SGSM2: variants seen among roughly 807,000 people sequenced by gnomAD.
SGSM2 encodes the protein small G protein signaling modulator 2.
In SGSM2, 89 loss-of-function variants were observed where a neutral mutation model predicts 126.6. The observed-to-expected ratio is 0.70, with a 90% confidence interval of 0.59 to 0.84. SGSM2 has a LOEUF of 0.84. Ranked by LOEUF, SGSM2 falls within the 40% of genes least tolerant of loss-of-function variation. The pLI is 0.00. For synonymous variants in SGSM2, 614 were observed against 574.3 expected (o/e 1.07, Z -0.99); for missense variants, 1,404 against 1,416.6 (o/e 0.99, Z 0.14).
In SGSM2 at chr17:2,372,009, AC is replaced by A. The variant is rs2065894320; in HGVS notation, c.1578-180del. On this transcript the variant is annotated intron_variant, in intron 13 of 23. Coordinates refer to ENST00000268989, the MANE Select transcript of SGSM2 (RefSeq NM_014853.3). The surrounding 1 kb of genome is among the most constrained non-coding windows in gnomAD (Gnocchi z 6.0). The stretch of plus-strand genomic sequence containing the variant: ...GGGGGCCAGGCGGGGGCCCCACAGC[AC>A]TCTGTCCAGGTGGCAGGCAGGGACA... The A allele has an allele frequency of 1.5e-6, 1 of 684,612 alleles. No homozygotes were observed. The highest frequency in any genetic ancestry group is 1.8e-5 in the African/African-American group (1 of 54,844). 42.4% of individuals were successfully genotyped at this position (684,612 alleles called of 1,614,324 possible).
intron 2 of SGSM2, among the ~76,000 whole-genome samples, chr17:2,360,097 C>G (rs566473321): frequency 6.6e-6 from 1 of 152,214 alleles, no homozygotes; most frequent in Non-Finnish European, 1.5e-5. Flanking sequence ...AATCCCAGCA[C>G]TTTGAGAGGC....
intron 1 of SGSM2, among the ~76,000 whole-genome samples, chr17:2,342,846 A>G (rs955991121): frequency 1.3e-5 from 2 of 151,796 alleles, no homozygotes; most frequent in South Asian, 4.2e-4. Flanking sequence ...GCGTGGTGGC[A>G]TGCACCTGTT....
rs767795826 is a variant in SGSM2 at position 2,371,405 on chromosome 17, A to T, written c.1567A>T (p.Ile523Phe). The T allele has an allele frequency of 6.2e-7, 1 of 1,600,670 alleles. No individual in the cohort carries two copies. The highest frequency in any genetic ancestry group is 2.3e-5 in the East Asian group (1 of 44,420). ...TGCAACCCCCAGCCACTGTAGCTGCATCCCCGACCGGTGAGTGGGCAGCGC... is the reference window on the plus strand; with the variant it reads ...TGCAACCCCCAGCCACTGTAGCTGCTTCCCCGACCGGTGAGTGGGCAGCGC... Reference protein sequence around the residue: ...PHATPSHCSCIPDRLPLRLLC... With the variant: ...PHATPSHCSCFPDRLPLRLLC... The change falls in exon 13 of 24, where the codon ATC becomes TTC. Residue 523 changes from isoleucine to phenylalanine, a missense_variant. Ile to Phe is a conservative substitution (Grantham distance 21). Coordinates refer to ENST00000268989, the MANE Select transcript of SGSM2 (RefSeq NM_014853.3).
chr17:2,340,847 G>A (rs2064336651), intron 1 of SGSM2, among the ~76,000 whole-genome samples: 1 of 152,176 alleles, frequency 6.6e-6, no homozygotes, highest in African/African-American at 2.4e-5. Flanking sequence ...GCCTCCCAAA[G>A]TGCTGGGATT....
chr17:2,364,731 C>T (rs1260737263), intron 9 of SGSM2, 68 bp downstream of exon 9: 4 of 1,581,270 alleles, frequency 2.5e-6, no homozygotes, highest in East Asian at 4.5e-5. Flanking sequence ...GTGCACTGTG[C>T]GTGGGGCCTG....
intron 2 of SGSM2, among the ~76,000 whole-genome samples, chr17:2,350,943 A>G (rs1323433205): frequency 1.3e-5 from 2 of 152,226 alleles, no homozygotes; most frequent in Non-Finnish European, 2.9e-5. Context: ...GACCAAAGTC[A>G]AACAGCCAGT....
chr17:2,374,789 T>C (rs1316736320), intron 17 of SGSM2, among the ~76,000 whole-genome samples: 1 of 152,234 alleles, frequency 6.6e-6, no homozygotes, highest in Non-Finnish European at 1.5e-5. Flanking sequence ...ACCGTGGCCT[T>C]ACCCAGCACT....
At chr17:2,354,443 G>T (rs909403320) in intron 2 of SGSM2, among the ~76,000 whole-genome samples, 1 of 152,174 alleles carries the variant, frequency 6.6e-6, no homozygotes. Context: ...TCTGCATCTT[G>T]CTGTTGGCGA....
intron 2 of SGSM2, among the ~76,000 whole-genome samples, chr17:2,354,571 C>T (rs1238359654): frequency 2.6e-5 from 4 of 152,190 alleles, no homozygotes; most frequent in Non-Finnish European, 5.9e-5. Context: ...ATGTGGATGA[C>T]TTCCAGTCTT....
chr17:2,380,500 C>T lies in SGSM2; in HGVS notation c.*980C>T, dbSNP rs1316117172. ...GGATGCATGGGTGTCCCCATCTGTCCCTGGTGAGAAGCAAGGCTAGCTCTG... is the reference window on the plus strand; with the variant it reads ...GGATGCATGGGTGTCCCCATCTGTCTCTGGTGAGAAGCAAGGCTAGCTCTG... On this transcript the variant is annotated 3_prime_UTR_variant, in exon 24 of 24. Coordinates refer to ENST00000268989, the MANE Select transcript of SGSM2 (RefSeq NM_014853.3). 3 of 622,824 alleles carry T rather than the reference C, an allele frequency of 4.8e-6. No homozygotes were observed. Among genetic ancestry groups the T allele is most frequent in the Admixed American group, 2.6e-5 (1 of 39,100 alleles). The allele number at this position is 622,824 out of a possible 1,614,324, so 38.6% of individuals were successfully genotyped here. A position where few individuals can be genotyped will look rare whatever the true frequency, so the allele number is the denominator to read the frequency against.
rs992977308 is a variant in SGSM2, at chr17:2,364,132, C to T, written c.881C>T (p.Thr294Ile). The part of the protein sequence containing the change: ...QSAESLTLKW[T>I]PNQLMNGTLG... The stretch of plus-strand genomic sequence containing the variant: ...GCAGAGAGCCTGACTCTGAAGTGGA[C>T]CCCCAACCAGCTCATGAATGGGACT... Residue 294 changes from threonine (T) to isoleucine (I), a missense_variant, in exon 8 of 24, where the codon ACC becomes ATC. By Grantham distance (89) the Thr-to-Ile change is moderately conservative. Coordinates refer to ENST00000268989, the MANE Select transcript of SGSM2 (RefSeq NM_014853.3). 4 of 1,613,988 alleles carry T rather than the reference C, an allele frequency of 2.5e-6. No homozygotes were observed. The Admixed American group carries it at 5.0e-5, about 20-fold the overall frequency.
At chr17:2,344,369 A>G (rs1477667718) in intron 2 of SGSM2, among the ~76,000 whole-genome samples, 6 of 152,356 alleles carry the variant, frequency 3.9e-5, no homozygotes, top group African/African-American at 1.4e-4. Context: ...CTGAAGGGAC[A>G]GGGAACCATT....
At chr17:2,346,226 A>C (rs1314903083) in intron 2 of SGSM2, among the ~76,000 whole-genome samples, 2 of 152,122 alleles carry the variant, frequency 1.3e-5, no homozygotes, top group Admixed American at 6.5e-5. Flanking sequence ...AAGTCTGTGG[A>C]GACTGGATTA....
chr17:2,362,115 C>G lies in SGSM2; in HGVS notation c.303C>G (p.Pro101=), dbSNP rs1356609500. ...GCCCTCCCCGCCTTTGCAGGAAACC[C>G]TCAGGGGTCAGCCAGGAGGCCCTGC... ...ELQQQAEGRK[P]SGVSQEALRR... The change falls in exon 4 of 24, where the codon CCC becomes CCG. Residue 101 remains proline (P), a synonymous_variant. Transcript: ENST00000268989. This position sits in a 1 kb window ranked among gnomAD's most constrained non-coding sequence, Gnocchi z 4.9. 5 of 1,612,056 alleles carry G rather than the reference C, an allele frequency of 3.1e-6. No individual in the cohort carries two copies. The highest frequency in any genetic ancestry group is 1.1e-5 in the South Asian group (1 of 91,056).
At chr17:2,348,431 T>A (rs1597319302) in intron 2 of SGSM2, among the ~76,000 whole-genome samples, 1 of 152,186 alleles carries the variant, frequency 6.6e-6, no homozygotes. Flanking sequence ...CCACAGGGAA[T>A]GAATAGCTCA....
chr17:2,374,046 G>A (rs2066010057), intron 17 of SGSM2: 1 of 154,640 alleles, frequency 6.5e-6, no homozygotes, highest in African/African-American at 2.4e-5. Context: ...TCACTGTACA[G>A]AACTGACTAT....
rs2064841101 is a variant in SGSM2, at chr17:2,351,292, C to T, written c.133+7672C>T. On this transcript the variant is annotated intron_variant, in intron 2 of 23. Transcript: ENST00000268989. ...GAGAGGAGCTAGTGTTTGAACCCAC[C>T]TCTGTCTTGCTCCAGACTCTGTGCT... Among the ~76,000 whole-genome samples the T allele has an allele frequency of 2.0e-5, 3 of 152,096 alleles. No individual in the cohort carries two copies. The South Asian group carries it at 6.2e-4, about 32-fold the overall frequency.
At chr17:2,359,113 A>G (rs1308634896) in intron 2 of SGSM2, among the ~76,000 whole-genome samples, 1 of 151,866 alleles carries the variant, frequency 6.6e-6, no homozygotes, top group Non-Finnish European at 1.5e-5. Context: ...TCCTGACCTC[A>G]TGATCCGCCT....
chr17:2,376,076 C>T, intron 18 of SGSM2, 61 bp from the exon 19 acceptor site: 2 of 1,609,708 alleles, frequency 1.2e-6, no homozygotes, highest in South Asian at 1.1e-5. Flanking sequence ...GGCGTCACCT[C>T]CTGCCCCCAG....
Sources: allele counts gnomAD v4.1 joint callset (sites outside exome capture counted in the v4.1 genomes callset), GRCh38; gene constraint gnomAD v4.1.1; non-coding constraint Gnocchi (gnomAD v3.1); transcripts MANE v1.5; gene names NCBI Gene and HGNC (gene_info 2026-07-23, HGNC 2026-07-21).